USP34: variants seen among roughly 807,000 people sequenced by gnomAD.
The protein encoded by USP34 is ubiquitin carboxyl-terminal hydrolase 34.
Under a neutral mutation model 460.3 loss-of-function variants are expected in USP34, and 70 were observed. The ratio of observed to expected loss-of-function variants is 0.15; its 90% CI spans 0.13 to 0.19. The LOEUF is 0.19. Among genes scored for constraint, USP34 ranks in the 10% least tolerant of loss-of-function variants. The pLI is 1.00. For synonymous variants in USP34, 1,647 were observed against 1,405.3 expected (o/e 1.17, Z -3.85); for missense variants, 3,985 against 4,236.2 (o/e 0.94, Z 1.65).
intron 1 of USP34, among the ~76,000 whole-genome samples, chr2:61,432,968 C>G (rs1413542454): frequency 6.6e-6 from 1 of 151,952 alleles, no homozygotes; most frequent in East Asian, 1.9e-4. Flanking sequence ...GTAATACATT[C>G]AAGATATTAG....
chr2:61,351,141 C>A (rs1691931405), intron 10 of USP34, among the ~76,000 whole-genome samples: 1 of 152,062 alleles, frequency 6.6e-6, no homozygotes, highest in Admixed American at 6.6e-5. Flanking sequence ...GTGGGAAGAT[C>A]TCTTGATTCC....
At chr2:61,372,741 C>T (rs776388914) in intron 8 of USP34, among the ~76,000 whole-genome samples, 1 of 152,098 alleles carries the variant, frequency 6.6e-6, no homozygotes, top group African/African-American at 2.4e-5. Context: ...CAGGGACTTT[C>T]GTAATAATGA....
Position 61,354,750 on chromosome 2 carries a change from A to T in USP34, c.1252-4057T>A, listed in dbSNP as rs141085305. On this transcript the variant is annotated intron_variant, in intron 10 of 79. Coordinates refer to ENST00000398571, the MANE Select transcript of USP34 (RefSeq NM_014709.4). ...CTATGTTGGGTTGGGCAACATGTGG[A>T]GGAACTGAAAGCCTGGAGCCTGGGC... Among the ~76,000 whole-genome samples the T allele has an allele frequency of 6.5e-3, 996 of 152,302 alleles. 13 individuals carry two copies. Among genetic ancestry groups the T allele is most frequent in the Non-Finnish European group, 0.01 (705 of 68,016 alleles).
intron 8 of USP34, among the ~76,000 whole-genome samples, chr2:61,372,628 T>A (rs771436614): frequency 6.6e-6 from 1 of 152,108 alleles, no homozygotes; most frequent in South Asian, 2.1e-4. Context: ...GGAGGATCAT[T>A]TGAGTCCAGG....
At chr2:61,273,708 CTG>C (rs1689287518) in intron 41 of USP34, among the ~76,000 whole-genome samples, 2 of 152,078 alleles carry the variant, frequency 1.3e-5, no homozygotes, top group African/African-American at 4.8e-5. Flanking sequence ...GAGTGAGACA[CTG>C]TCTCAAAAAA....
chr2:61,224,994 G>T (rs1687686992), intron 62 of USP34, among the ~76,000 whole-genome samples: 1 of 152,114 alleles, frequency 6.6e-6, no homozygotes, highest in South Asian at 2.1e-4. Context: ...AATTCTTTCA[G>T]TGGGAAATGA....
At chr2:61,193,005 T>C (rs11897723) in intron 75 of USP34, 25 bp from the exon 76 acceptor site, 205,103 of 1,570,592 alleles carry the variant, frequency 0.13, 15,782 homozygotes, top group African/African-American at 0.34. Flanking sequence ...GAAATCAGAA[T>C]AGGTTATAAT....
In USP34 at chr2:61,266,121, AG is replaced by A; in HGVS notation, c.5479del (p.Leu1827Ter). 1 of 1,613,512 alleles carries A rather than the reference AG, an allele frequency of 6.2e-7. No homozygotes were observed. Among genetic ancestry groups the A allele is most frequent in the South Asian group, 1.1e-5 (1 of 91,030 alleles). ...IFNLLFLLPS[L>X]KDRQQPKCKS... ...GCACTTTGGCTGTTGTCGGTCCTTTAGACTTGGCAACAAAAACAGGAGATTG... is the reference window on the plus strand; with the variant it reads ...GCACTTTGGCTGTTGTCGGTCCTTTAACTTGGCAACAAAAACAGGAGATTG... On this transcript the variant is annotated frameshift_variant, in exon 42 of 80. Coordinates refer to ENST00000398571, the MANE Select transcript of USP34 (RefSeq NM_014709.4). LOFTEE classifies it high-confidence loss of function.
chr2:61,425,388 A>C (rs748019579), intron 1 of USP34, among the ~76,000 whole-genome samples: 2 of 152,034 alleles, frequency 1.3e-5, no homozygotes, highest in Non-Finnish European at 2.9e-5. Flanking sequence ...AACTACGCAC[A>C]CTTCCTGTTC....
chr2:61,422,039 C>A (rs1397636418), intron 1 of USP34, among the ~76,000 whole-genome samples: 1 of 152,216 alleles, frequency 6.6e-6, no homozygotes, highest in African/African-American at 2.4e-5. Flanking sequence ...AACACCTACA[C>A]CCAAGACCAG....
chr2:61,460,077 G>C (rs183541535), intron 1 of USP34, among the ~76,000 whole-genome samples: 3 of 152,032 alleles, frequency 2.0e-5, no homozygotes, highest in African/African-American at 4.8e-5. Context: ...AAAGATACTT[G>C]AAAACAGTTT....
chr2:61,336,391 G>A (rs1691416217), intron 18 of USP34, among the ~76,000 whole-genome samples: 1 of 151,688 alleles, frequency 6.6e-6, no homozygotes, highest in African/African-American at 2.4e-5. Context: ...CTCTCAAAGT[G>A]TTGGACTTAC....
chr2:61,273,514 T>C (rs899246933), intron 41 of USP34, among the ~76,000 whole-genome samples: 1 of 151,960 alleles, frequency 6.6e-6, no homozygotes, highest in Non-Finnish European at 1.5e-5. Flanking sequence ...ATGTCAGGAG[T>C]TTGAGACCAG....
At chr2:61,364,673 T>C (rs1047399116) in intron 10 of USP34, among the ~76,000 whole-genome samples, 11 of 152,070 alleles carry the variant, frequency 7.2e-5, no homozygotes, top group African/African-American at 2.7e-4. Context: ...TCATGTCTAT[T>C]ATCCCAGCAC....
At chr2:61,198,552 A>C (rs919836539) in intron 75 of USP34, among the ~76,000 whole-genome samples, 2 of 149,278 alleles carry the variant, frequency 1.3e-5, no homozygotes, top group African/African-American at 5.0e-5. Flanking sequence ...ACCCTATCTG[A>C]TAGACTTTTT....
chr2:61,268,438 T>TAAAAA (rs35618230), intron 41 of USP34, among the ~76,000 whole-genome samples: 16 of 53,378 alleles, frequency 3.0e-4, no homozygotes, highest in East Asian at 6.4e-4. Flanking sequence ...GAGCTGTTGT[T>TAAAAA]AAAAAAAAAA....
At chr2:61,470,535 A>T in intron 1 of USP34, 115 bp downstream of exon 1, 3 of 543,584 alleles carry the variant, frequency 5.5e-6, no homozygotes, top group Non-Finnish European at 9.2e-6. Context: ...CTAGGCCCGC[A>T]CGCCGCCCGG....
rs183939936 is a variant in USP34, at chr2:61,425,959, G to A, written c.44-5126C>T. On this transcript the variant is annotated intron_variant, in intron 1 of 79. Coordinates refer to ENST00000398571, the MANE Select transcript of USP34 (RefSeq NM_014709.4). ...CTCAGCCACAGCAAGACAGGGCACC[G>A]CTCAGAGTCATGAGGTCCCCTGTTC... is the stretch of plus-strand genomic sequence containing the variant. Among the ~76,000 whole-genome samples, 204 of 151,858 alleles carry A rather than the reference G, an allele frequency of 1.3e-3. No individual in the cohort carries two copies. The Middle Eastern group carries it at 0.02, about 15-fold the overall frequency.
chr2:61,273,990 A>G (rs1179612720), intron 41 of USP34, among the ~76,000 whole-genome samples: 1 of 152,080 alleles, frequency 6.6e-6, no homozygotes, highest in Non-Finnish European at 1.5e-5. Flanking sequence ...TAAAATATTA[A>G]GTTATGAAAG....
Sources: allele counts gnomAD v4.1 joint callset (sites outside exome capture counted in the v4.1 genomes callset), GRCh38; gene constraint gnomAD v4.1.1; transcripts MANE v1.5; gene names NCBI Gene and HGNC (gene_info 2026-07-23, HGNC 2026-07-21).